The following FCRL4 variants were observed in gnomAD, a reference collection of about 807,000 sequenced individuals.
The protein encoded by FCRL4 is Fc receptor-like protein 4.
A neutral mutation model predicts 64.1 loss-of-function variants in FCRL4; 43 were observed. The observed-to-expected ratio is 0.67, with a 90% CI of 0.53 to 0.87. FCRL4 has a LOEUF of 0.87. Among genes scored for constraint, FCRL4 ranks in the 40% least tolerant of loss-of-function variants. The pLI, the probability that FCRL4 is intolerant of heterozygous loss-of-function variation, is 0.00. For missense variants in FCRL4, 656 were observed against 613.5 expected, an observed-to-expected ratio of 1.07 and a Z score of -0.73; for synonymous variants, 253 against 239.8, an observed-to-expected ratio of 1.05 and a Z score of -0.51.
At chr1:157,580,602 T>C (rs1652539015) in intron 7 of FCRL4, 1 of 477,770 alleles carries the variant, frequency 2.1e-6, no homozygotes. Flanking sequence ...TGTGTTGAAA[T>C]CCCTCAGGAA....
intron 5 of FCRL4, 131 bp downstream of exon 5, chr1:157,587,145 C>T (rs1384102879): frequency 1.0e-6 from 1 of 959,794 alleles, no homozygotes; most frequent in Non-Finnish European, 1.6e-6. Context: ...TATTATAGTA[C>T]TGCACTTCTT....
chr1:157,588,869 T>C (rs1336053247), intron 3 of FCRL4, among the ~76,000 whole-genome samples: 1 of 152,246 alleles, frequency 6.6e-6, no homozygotes, highest in Non-Finnish European at 1.5e-5. Context: ...ACTTTTGTCC[T>C]CAGCACATTT....
At chr1:157,581,099 C>A (rs1652548580) in intron 7 of FCRL4, among the ~76,000 whole-genome samples, 1 of 129,536 alleles carries the variant, frequency 7.7e-6, no homozygotes, top group Admixed American at 8.5e-5. Context: ...CCTGAGGGGA[C>A]AGAAGGATAA....
At chr1:157,585,511 C>A (rs1652671587) in intron 6 of FCRL4, among the ~76,000 whole-genome samples, 1 of 151,852 alleles carries the variant, frequency 6.6e-6, no homozygotes, top group Admixed American at 6.6e-5. Context: ...GCCAAGGTAG[C>A]TGAGTGAGAA....
chr1:157,588,836 C>T (rs535101950), intron 3 of FCRL4, among the ~76,000 whole-genome samples: 1 of 152,308 alleles, frequency 6.6e-6, no homozygotes, highest in African/African-American at 2.4e-5. Context: ...GGAGATTTCC[C>T]ACCTCTGAGC....
chr1:157,582,203 G>A (rs943463566), intron 6 of FCRL4, among the ~76,000 whole-genome samples: 1 of 152,162 alleles, frequency 6.6e-6, no homozygotes, highest in Non-Finnish European at 1.5e-5. Context: ...AATTGTTAGG[G>A]GCTTTTGATA....
intron 4 of FCRL4, 83 bp downstream of exon 4, chr1:157,587,781 AG>A (rs1652736274): frequency 4.4e-6 from 6 of 1,368,010 alleles, no homozygotes; most frequent in Middle Eastern, 2.6e-4. Context: ...GAGTTTCAAT[AG>A]TAACCCGTAA....
Position 157,588,106 on chromosome 1 carries a change from C to A in FCRL4, c.321G>T (p.Leu107=). 1.2e-6 allele frequency: 2 copies of A among 1,612,286 alleles called. No homozygotes were observed. Among genetic ancestry groups the A allele is most frequent in the East Asian group, 2.2e-5 (1 of 44,846 alleles). ...RLLFSSDSLI[L]QAPYSVFEGD... ...CTTCAAACACAGAATATGGTGCCTGCAGGATTAAGGAGTCTGGAAAAGACA... is the reference window on the plus strand; with the variant it reads ...CTTCAAACACAGAATATGGTGCCTGAAGGATTAAGGAGTCTGGAAAAGACA... The change falls in exon 4 of 12, where the codon CTG becomes CTT. Residue 107 remains leucine, a synonymous_variant. Coordinates refer to ENST00000271532, the MANE Select transcript of FCRL4 (RefSeq NM_031282.3).
Position 157,587,345 on chromosome 1 carries a change from AATAGG to A in FCRL4, c.773_777del (p.Ser258LeufsTer5), listed in dbSNP as rs1190117542. 6.2e-7 allele frequency: 1 copy of A among 1,614,156 alleles called. No individual in the cohort carries two copies. Among genetic ancestry groups the A allele is most frequent in the East Asian group, 2.2e-5 (1 of 44,880 alleles). ...CCCCTCACTGTTTCAGCACCACACC[AATAGG>A]ATCCTGAGTTTTCTCTCCAGACGGT... On this transcript the variant is annotated frameshift_variant, in exon 5 of 12. Transcript: ENST00000271532. LOFTEE classifies it high-confidence loss of function.
rs1373882194 is a variant in FCRL4 at position 157,574,387 on chromosome 1, C to T, written c.*1137G>A. 1.4e-5 allele frequency: 3 copies of T among 211,970 alleles called. No homozygotes were observed. The South Asian group carries it at 5.6e-4, about 40-fold the overall frequency. 13.1% of individuals were successfully genotyped at this position (211,970 alleles called of 1,614,324 possible). A position where few individuals can be genotyped will look rare whatever the true frequency, so the allele number is the denominator to read the frequency against. On this transcript the variant is annotated 3_prime_UTR_variant, in exon 12 of 12. Coordinates refer to ENST00000271532, the MANE Select transcript of FCRL4 (RefSeq NM_031282.3). ...GACTTGAATGGATTCAGTTTTAACA[C>T]TTGGGGCATGGATAATTTGTAGGTG...
At position 157,575,388 on chromosome 1, in the gene FCRL4, A is replaced by C. The variant is rs1652378121; in HGVS notation, c.*136T>G. The stretch of plus-strand genomic sequence containing the variant: ...AGACGAATGAGTATTCCTGGGAGTG[A>C]ATGCATATGCATGAGAAGAATTAGA... On this transcript the variant is annotated 3_prime_UTR_variant, in exon 12 of 12. Coordinates refer to ENST00000271532, the MANE Select transcript of FCRL4 (RefSeq NM_031282.3). 3.0e-6 allele frequency: 2 copies of C among 670,574 alleles called. No homozygotes were observed. The highest frequency in any genetic ancestry group is 5.3e-6 in the Non-Finnish European group (2 of 374,244). The allele number at this position is 670,574 out of a possible 1,614,324, so 41.5% of individuals were successfully genotyped here. A position where few individuals can be genotyped will look rare whatever the true frequency, so the allele number is the denominator to read the frequency against.
At chr1:157,579,018 T>C (rs962663070) in intron 8 of FCRL4, among the ~76,000 whole-genome samples, 166 bp from the exon 9 acceptor site, 5 of 152,306 alleles carry the variant, frequency 3.3e-5, no homozygotes, top group East Asian at 1.9e-4. Context: ...TAGGTCTATA[T>C]AGAGTGAGAC....
At chr1:157,596,400 A>G in intron 1 of FCRL4, 52 bp from the exon 2 acceptor site, 3 of 1,608,012 alleles carry the variant, frequency 1.9e-6, no homozygotes, top group Middle Eastern at 1.7e-4. Flanking sequence ...GTCCCGAACT[A>G]TTCACCCTGA....
At chr1:157,586,605 G>C in intron 5 of FCRL4, 150 bp from the exon 6 acceptor site, 1 of 666,638 alleles carries the variant, frequency 1.5e-6, no homozygotes, top group Non-Finnish European at 2.5e-6. Context: ...CACAGATTTA[G>C]CGCTGAGAAT....
intron 7 of FCRL4, chr1:157,580,616 T>C: frequency 2.2e-6 from 1 of 449,042 alleles, no homozygotes; most frequent in East Asian, 4.3e-5. Context: ...TCAGGAAACA[T>C]TACATATAAC....
At chr1:157,582,204 G>T (rs1017564227) in intron 6 of FCRL4, among the ~76,000 whole-genome samples, 3 of 152,196 alleles carry the variant, frequency 2.0e-5, no homozygotes, top group African/African-American at 7.2e-5. Flanking sequence ...ATTGTTAGGG[G>T]CTTTTGATAT....
At chr1:157,576,185 G>C (rs1652409559) in intron 10 of FCRL4, among the ~76,000 whole-genome samples, 1 of 152,134 alleles carries the variant, frequency 6.6e-6, no homozygotes, top group South Asian at 2.1e-4. Flanking sequence ...TGATTTCCTA[G>C]AGTTGGAGCC....
rs753258971 is a variant in FCRL4 at position 157,575,743 on chromosome 1, AG to A, written c.1430-14del. 6.2e-7 allele frequency: 1 copy of A among 1,613,482 alleles called. No individual in the cohort carries two copies. The highest frequency in any genetic ancestry group is 1.7e-5 in the Admixed American group (1 of 60,022). ...CTGGAGGTATTAGCTGTGGACAGAA[AG>A]AGAATCACTGGACTATGGGCATAAT... On this transcript the variant is annotated splice_polypyrimidine_tract_variant and intron_variant, in intron 10 of 11. Transcript: ENST00000271532.
chr1:157,593,527 T>C (rs1273377355), intron 2 of FCRL4, among the ~76,000 whole-genome samples: 3 of 152,318 alleles, frequency 2.0e-5, no homozygotes, highest in East Asian at 3.9e-4. Flanking sequence ...GCCCTCTTAC[T>C]TGAGGCCTAG....
Sources: gnomAD v4.1 joint callset for allele counts (sites outside exome capture counted in the v4.1 genomes callset) on GRCh38, gnomAD v4.1.1 for gene constraint, MANE v1.5 for transcripts, NCBI Gene and HGNC (gene_info 2026-07-23, HGNC 2026-07-21) for gene names.